The following PRH1 variants were observed in gnomAD, a reference collection of about 807,000 sequenced individuals.
PRH1 encodes salivary acidic proline-rich phosphoprotein 1/2.
In PRH1, 7 loss-of-function variants were observed where a neutral mutation model predicts 7.9. The observed-to-expected ratio is 0.89, with a 90% CI of 0.50 to 1.67. The LOEUF is 1.67. Ranked by LOEUF, PRH1 falls within the 40% of genes most tolerant of loss-of-function variation. The pLI is 0.00. For synonymous variants in PRH1, 45 were observed against 80.8 expected, an observed-to-expected ratio of 0.56 and a Z score of 2.38; for missense variants, 109 against 223.6, an observed-to-expected ratio of 0.49 and a Z score of 3.27.
chr12:10,890,385 GTGTGTGTGTGTGTGTGTT>G (rs1333715175), intron 2 of PRH1, among the ~76,000 whole-genome samples: 1 of 148,946 alleles, frequency 6.7e-6, no homozygotes, highest in Non-Finnish European at 1.5e-5. Context: ...CCTAACTTTG[GTGTGTGTGTGTGTGTGTT>G]TGTGTGTGTG....
At chr12:11,030,237 A>ATATATATTTTTTTT in intron 1 of PRH1, 1 of 1,095,274 alleles carries the variant, frequency 9.1e-7, no homozygotes, top group African/African-American at 1.6e-5. Flanking sequence ...ACACACACAT[A>ATATATATTTTTTTT]TATATATTTT....
At chr12:10,938,624 A>G (rs1400577912) in intron 2 of PRH1, 2 of 1,613,748 alleles carry the variant, frequency 1.2e-6, no homozygotes, top group Admixed American at 1.7e-5. Flanking sequence ...AAACATTGCC[A>G]GGGACAAAGT....
chr12:11,020,013 A>G (rs1351888522), intron 1 of PRH1, among the ~76,000 whole-genome samples: 1 of 152,274 alleles, frequency 6.6e-6, no homozygotes, highest in Non-Finnish European at 1.5e-5. Context: ...TCTCTACTTC[A>G]CACACCTGAT....
chr12:11,078,013 C>T, intron 1 of PRH1: 1 of 717,786 alleles, frequency 1.4e-6, no homozygotes, highest in Non-Finnish European at 2.5e-6. Context: ...TACTTCTGAA[C>T]TATATAAAGC....
intron 1 of PRH1, among the ~76,000 whole-genome samples, chr12:11,157,586 T>G (rs1947291398): frequency 6.6e-6 from 1 of 152,250 alleles, no homozygotes; most frequent in Non-Finnish European, 1.5e-5. Flanking sequence ...TTTCTGGTAG[T>G]TAGCCTCTGA....
At chr12:10,895,478 A>C (rs1234829729) in intron 2 of PRH1, 1 of 152,198 alleles carries the variant, frequency 6.6e-6, no homozygotes, top group Non-Finnish European at 1.5e-5. Flanking sequence ...CGTTGCCTCT[A>C]GTACAATAAA....
At chr12:11,106,263 T>G in intron 1 of PRH1, among the ~76,000 whole-genome samples, 1 of 152,090 alleles carries the variant, frequency 6.6e-6, no homozygotes, top group Non-Finnish European at 1.5e-5. Flanking sequence ...AAGAAGCTCA[T>G]TAATACAAAC....
intron 1 of PRH1, among the ~76,000 whole-genome samples, chr12:11,155,540 G>A (rs1050824291): frequency 5.3e-5 from 8 of 152,040 alleles, no homozygotes; most frequent in Non-Finnish European, 1.0e-4. Flanking sequence ...AAGATGATTC[G>A]TTTATTGCAG....
intron 1 of PRH1, among the ~76,000 whole-genome samples, chr12:11,017,823 T>C (rs1336661928): frequency 6.6e-6 from 1 of 151,950 alleles, no homozygotes; most frequent in African/African-American, 2.4e-5. Flanking sequence ...AATGGCTTCC[T>C]ATATACTTCC....
At chr12:11,067,848 G>C (rs1157352873) in intron 1 of PRH1, among the ~76,000 whole-genome samples, 2 of 152,202 alleles carry the variant, frequency 1.3e-5, no homozygotes, top group African/African-American at 2.4e-5. Context: ...GGGCAACAGA[G>C]AGAGACCCTG....
intron 1 of PRH1, among the ~76,000 whole-genome samples, chr12:11,170,398 T>A (rs925866443): frequency 6.6e-6 from 1 of 152,092 alleles, no homozygotes; most frequent in Non-Finnish European, 1.5e-5. Flanking sequence ...ATACAAAAAA[T>A]TAGCCGGGCA....
chr12:11,165,596 C>T (rs563348605), intron 1 of PRH1, among the ~76,000 whole-genome samples: 1 of 152,256 alleles, frequency 6.6e-6, no homozygotes, highest in Non-Finnish European at 1.5e-5. Flanking sequence ...AACCTCTGGG[C>T]CATTATTTTC....
intron 1 of PRH1, among the ~76,000 whole-genome samples, chr12:11,123,216 ATTAT>A (rs1306921184): frequency 1.3e-5 from 2 of 152,250 alleles, no homozygotes; most frequent in Non-Finnish European, 2.9e-5. Context: ...TTTTACTGTA[ATTAT>A]TTATCCATCT....
intron 2 of PRH1, among the ~76,000 whole-genome samples, chr12:10,969,455 G>A (rs1395010032): frequency 6.6e-6 from 1 of 152,058 alleles, no homozygotes; most frequent in Non-Finnish European, 1.5e-5. Flanking sequence ...CTGAGGACCC[G>A]CCCTTTTCTG....
chr12:11,063,857 A>G (rs575637856), intron 1 of PRH1, among the ~76,000 whole-genome samples: 22 of 152,170 alleles, frequency 1.4e-4, no homozygotes, highest in African/African-American at 5.3e-4. Context: ...GCTCACTTCA[A>G]CTCCCTTAGA....
At chr12:10,929,169 C>A in intron 2 of PRH1, 1 of 1,492,148 alleles carries the variant, frequency 6.7e-7, no homozygotes. Flanking sequence ...GGAGGCCCAC[C>A]TGGTAGGGAG....
chr12:10,917,561 C>G (rs1949990103), intron 2 of PRH1, among the ~76,000 whole-genome samples: 1 of 152,166 alleles, frequency 6.6e-6, no homozygotes, highest in African/African-American at 2.4e-5. Context: ...CAGGTGATAA[C>G]TTTCCATATT....
At chr12:11,067,741 T>C (rs981984833) in intron 1 of PRH1, among the ~76,000 whole-genome samples, 2 of 152,154 alleles carry the variant, frequency 1.3e-5, no homozygotes, top group African/African-American at 4.8e-5. Context: ...TGCACGCCTG[T>C]TGTCCTAGCT....
intron 1 of PRH1, among the ~76,000 whole-genome samples, chr12:11,099,696 C>CA (rs920942396): frequency 2.0e-5 from 3 of 151,958 alleles, no homozygotes; most frequent in African/African-American, 7.3e-5. Flanking sequence ...GACTCCATCT[C>CA]AAAAAACAGA....
Sources: allele counts gnomAD v4.1 joint callset (sites outside exome capture counted in the v4.1 genomes callset), GRCh38; gene constraint gnomAD v4.1.1; transcripts MANE v1.5; gene names NCBI Gene and HGNC (gene_info 2026-07-23, HGNC 2026-07-21).